SNTG2: variants seen among roughly 807,000 people sequenced by gnomAD.
SNTG2 encodes gamma-2-syntrophin.
SNTG2 carries 74 observed loss-of-function variants against 70.9 expected under a neutral mutation model. The observed-to-expected ratio is 1.04, with a 90% CI of 0.86 to 1.27. The LOEUF is 1.27. SNTG2 is among the 50% of genes most tolerant of loss of function. SNTG2 has a pLI of 0.00. For synonymous variants in SNTG2, 278 were observed against 273.8 expected (o/e 1.02, Z -0.15); for missense variants, 717 against 690.7 (o/e 1.04, Z -0.43).
chr2:1,020,436 C>T (rs1181659648), intron 1 of SNTG2, among the ~76,000 whole-genome samples: 1 of 152,194 alleles, frequency 6.6e-6, no homozygotes, highest in African/African-American at 2.4e-5. Flanking sequence ...CTCAGAGGGA[C>T]ATCTGCAGAA....
At chr2:1,059,174 C>G (rs753257693) in intron 1 of SNTG2, 1 of 152,342 alleles carries the variant, frequency 6.6e-6, no homozygotes, top group African/African-American at 2.4e-5. Flanking sequence ...GTTTCATTTA[C>G]GAGACTGAGG....
At chr2:957,430 T>C (rs75949832) in intron 1 of SNTG2, among the ~76,000 whole-genome samples, 9 of 152,054 alleles carry the variant, frequency 5.9e-5, no homozygotes, top group Non-Finnish European at 1.5e-5. Context: ...ATTTGGAGAA[T>C]TGCTTTATCA....
intron 13 of SNTG2, among the ~76,000 whole-genome samples, chr2:1,262,278 G>A (rs1361293064): frequency 2.0e-5 from 3 of 152,108 alleles, no homozygotes; most frequent in African/African-American, 7.2e-5. Flanking sequence ...AAGAAACAGA[G>A]AGCTTCCCCC....
At chr2:1,187,889 T>C (rs1173591385) in intron 8 of SNTG2, among the ~76,000 whole-genome samples, 2 of 152,170 alleles carry the variant, frequency 1.3e-5, no homozygotes, top group African/African-American at 4.8e-5. Flanking sequence ...AAAGTAAAAA[T>C]AAAGACTTGT....
At chr2:1,128,854 C>T (rs1667858981) in intron 4 of SNTG2, among the ~76,000 whole-genome samples, 1 of 152,064 alleles carries the variant, frequency 6.6e-6, no homozygotes, top group South Asian at 2.1e-4. Context: ...TTCACAGCCA[C>T]TTAATGTGAC....
rs139352348 is a variant in SNTG2, at chr2:1,002,346, A to G, written c.72+51278A>G. Among the ~76,000 whole-genome samples, 1,250 of 152,260 alleles carry G rather than the reference A, an allele frequency of 8.2e-3. 28 individuals are homozygous for G. The highest frequency in any genetic ancestry group is 0.028 in the African/African-American group (1,169 of 41,556). On this transcript the variant is annotated intron_variant, in intron 1 of 16. Transcript: ENST00000308624. Reference sequence around the variant, plus strand: ...TATAGAATGGGGGAAAATATTTGCAAACTGCATTTAGTGAGTAACTAATAT... The same window carrying G: ...TATAGAATGGGGGAAAATATTTGCAGACTGCATTTAGTGAGTAACTAATAT...
chr2:1,143,367 C>T (rs1046817785), intron 6 of SNTG2, among the ~76,000 whole-genome samples: 1 of 152,128 alleles, frequency 6.6e-6, no homozygotes, highest in Non-Finnish European at 1.5e-5. Flanking sequence ...GTCCCTGGGC[C>T]TTGTCATTGT....
chr2:1,268,684 A>G (rs755174566), intron 14 of SNTG2, among the ~76,000 whole-genome samples: 41 of 152,236 alleles, frequency 2.7e-4, no homozygotes, highest in Non-Finnish European at 5.0e-4. Context: ...ATTACTAAAC[A>G]TAGGATCCTT....
At chr2:1,357,042 T>C (rs1660891138) in intron 16 of SNTG2, among the ~76,000 whole-genome samples, 1 of 152,156 alleles carries the variant, frequency 6.6e-6, no homozygotes, top group Non-Finnish European at 1.5e-5. Context: ...GCTGAATTTT[T>C]GTTTATTAGT....
chr2:1,281,296 A>ATGTGGTGTGGTGTGTGTT (rs1679513899), intron 14 of SNTG2, among the ~76,000 whole-genome samples: 3 of 33,672 alleles, frequency 8.9e-5, no homozygotes, highest in African/African-American at 5.8e-4. Context: ...TTTATGGTGT[A>ATGTGGTGTGGTGTGTGTT]TATGGTGTGT....
intron 1 of SNTG2, among the ~76,000 whole-genome samples, chr2:978,503 A>G: frequency 6.6e-6 from 1 of 152,304 alleles, no homozygotes; most frequent in Non-Finnish European, 1.5e-5. Flanking sequence ...CATAAACTTA[A>G]GGAGGTATAA....
chr2:1,332,662 A>C (rs1052020936), intron 16 of SNTG2, among the ~76,000 whole-genome samples: 2 of 152,228 alleles, frequency 1.3e-5, no homozygotes, highest in African/African-American at 4.8e-5. Flanking sequence ...AACATACGTA[A>C]GTCAATAAAT....
chr2:982,588 A>T (rs776479518), intron 1 of SNTG2, among the ~76,000 whole-genome samples: 2 of 152,238 alleles, frequency 1.3e-5, no homozygotes, highest in African/African-American at 2.4e-5. Context: ...AATCAAAAAC[A>T]TCTTCAGATT....
chr2:991,677 G>T (rs1272368718), intron 1 of SNTG2, among the ~76,000 whole-genome samples: 2 of 152,180 alleles, frequency 1.3e-5, no homozygotes, highest in African/African-American at 4.8e-5. Context: ...CGCAGTAATG[G>T]CATCTAGGGC....
intron 4 of SNTG2, among the ~76,000 whole-genome samples, chr2:1,122,436 T>C (rs959119300): frequency 1.8e-4 from 27 of 152,290 alleles, no homozygotes; most frequent in African/African-American, 6.3e-4. Flanking sequence ...ATCCATGGCA[T>C]GTGAGGCCAG....
intron 1 of SNTG2, among the ~76,000 whole-genome samples, chr2:1,030,559 ACTTTGGCCATGTCAGTCATGGC>A (rs1206327630): frequency 6.6e-6 from 1 of 152,082 alleles, no homozygotes; most frequent in African/African-American, 2.4e-5. Context: ...TCAGCATTAT[ACTTTGGCCATGTCAGTCATGGC>A]CTTTTCTCAG....
At chr2:1,260,947 G>A (rs1048770328) in intron 13 of SNTG2, among the ~76,000 whole-genome samples, 2 of 152,102 alleles carry the variant, frequency 1.3e-5, no homozygotes, top group Non-Finnish European at 2.9e-5. Flanking sequence ...TCTTACATAT[G>A]TGGTTCATTA....
In SNTG2 at chr2:1,239,785, T is replaced by C; in HGVS notation, c.888+9T>C. The C allele has an allele frequency of 6.2e-7, 1 of 1,612,960 alleles. No individual in the cohort carries two copies. Among genetic ancestry groups the C allele is most frequent in the Admixed American group, 1.7e-5 (1 of 59,914 alleles). On this transcript the variant is annotated intron_variant, in intron 11 of 16. Transcript: ENST00000308624. Reference sequence around the variant, plus strand: ...GCTCTCCTTCCGACCAGGTAGGGTTTGTATTTTCTGCTTCATGATGTAACA... The same window carrying C: ...GCTCTCCTTCCGACCAGGTAGGGTTCGTATTTTCTGCTTCATGATGTAACA...
chr2:1,222,490 GGT>G (rs1675340103), intron 9 of SNTG2, among the ~76,000 whole-genome samples: 4 of 140,722 alleles, frequency 2.8e-5, no homozygotes, highest in Non-Finnish European at 4.7e-5. Context: ...AGAGGAAAGT[GGT>G]GCAGTGATGG....
Sources: allele counts gnomAD v4.1 joint callset (sites outside exome capture counted in the v4.1 genomes callset), GRCh38; gene constraint gnomAD v4.1.1; transcripts MANE v1.5; gene names NCBI Gene and HGNC (gene_info 2026-07-23, HGNC 2026-07-21).